Variants in PTX4 observed in about 807,000 individuals in gnomAD.
PTX4 encodes pentraxin 4.
PTX4 carries 23 observed loss-of-function variants against 19.1 expected under a neutral mutation model. The observed-to-expected ratio is 1.20, with a 90% confidence interval of 0.87 to 1.70. PTX4 has a LOEUF of 1.70. PTX4 is among the 40% of genes most tolerant of loss of function. The pLI is 0.00. For synonymous variants in PTX4, 317 were observed against 279.6 expected (o/e 1.13, Z -1.33); for missense variants, 678 against 610.5 (o/e 1.11, Z -1.17).
At chr16:1,488,405 G>A (rs200690297) in intron 1 of PTX4, 200 of 1,613,680 alleles carry the variant, frequency 1.2e-4, no homozygotes, top group East Asian at 4.0e-4. Flanking sequence ...GTGGGAGTCC[G>A]GGAGGCCGTT....
Position 1,487,327 on chromosome 16 carries a change from A to G in PTX4, c.785T>C (p.Val262Ala). Residue 262 changes from valine to alanine, a missense_variant, in exon 2 of 3, where the codon GTG becomes GCG. Val to Ala is a moderately conservative substitution (Grantham distance 64, BLOSUM62 0). Transcript: ENST00000447419. Reference sequence around the variant, plus strand: ...CCTGTGGTACTTACTCTCTCCTGGCACCTGGGGGGACCATGCCTGCTGCCG... The same window carrying G: ...CCTGTGGTACTTACTCTCTCCTGGCGCCTGGGGGGACCATGCCTGCTGCCG... Reference protein sequence around the residue: ...DPRQQAWSPQVPGEICGVGPT... With the variant: ...DPRQQAWSPQAPGEICGVGPT... The G allele has an allele frequency of 6.5e-7, 1 of 1,547,290 alleles. No homozygotes were observed. Among genetic ancestry groups the G allele is most frequent in the Non-Finnish European group, 8.7e-7 (1 of 1,153,246 alleles).
Position 1,485,944 on chromosome 16 carries a change from GAC to G in PTX4, c.1430_1431del (p.Cys477SerfsTer?). 2 of 1,602,620 alleles carry G rather than the reference GAC, an allele frequency of 1.2e-6. No homozygotes were observed. Among genetic ancestry groups the G allele is most frequent in the Non-Finnish European group, 1.7e-6 (2 of 1,176,328 alleles). On this transcript the variant is annotated frameshift_variant, in exon 3 of 3. Transcript: ENST00000447419. LOFTEE classifies it high-confidence loss of function. ...AGCCCCCGTGCGGCTCGGCCTCAGG[GAC>G]AGCGTTCCAGGCAGGTGCAGTTGGC... ...QGANCTCLER[C>X]P
chr16:1,488,407 G>T (rs1304648205), intron 1 of PTX4: 1 of 1,613,620 alleles, frequency 6.2e-7, no homozygotes, highest in Non-Finnish European at 8.5e-7. Flanking sequence ...GGGAGTCCGG[G>T]AGGCCGTTCA....
chr16:1,486,121 C>A lies in PTX4; in HGVS notation c.1255G>T (p.Ala419Ser). ...SVGGGFDSSE[A>S]FVGSMSGLAI... ...AAGCCAGACATGCTCCCCACGAAGG[C>A]CTCGGAGCTGTCGAATCCGCCCCCC... Residue 419 changes from alanine (A) to serine (S), a missense_variant, in exon 3 of 3, where the codon GCC becomes TCC. Physicochemically the swap from Ala to Ser is moderately conservative, Grantham distance 99 (BLOSUM62 1). Coordinates refer to ENST00000447419, the MANE Select transcript of PTX4 (RefSeq NM_001328608.2). 2 of 1,614,192 alleles carry A rather than the reference C, an allele frequency of 1.2e-6. No individual in the cohort carries two copies. The highest frequency in any genetic ancestry group is 1.7e-6 in the Non-Finnish European group (2 of 1,180,030).
Position 1,488,767 on chromosome 16 carries a change from G to A in PTX4, c.141+2C>T. ...CTGCGCCATGTCAGGGGTATAACTTGCCTGTTCCTCCAGCCTACGGAGCCT... is the reference window on the plus strand; with the variant it reads ...CTGCGCCATGTCAGGGGTATAACTTACCTGTTCCTCCAGCCTACGGAGCCT... On this transcript the variant is annotated splice_donor_variant, in intron 1 of 2. Transcript: ENST00000447419. LOFTEE classifies it low-confidence loss of function (GC_TO_GT_DONOR). The A allele has an allele frequency of 1.4e-6, 1 of 696,296 alleles. No individual in the cohort carries two copies. The highest frequency in any genetic ancestry group is 1.5e-5 in the South Asian group (1 of 66,980). The allele number at this position is 696,296 out of a possible 1,614,324, so 43.1% of individuals were successfully genotyped here.
Position 1,487,367 on chromosome 16 carries a change from C to T in PTX4, c.745G>A (p.Ala249Thr). Residue 249 changes from alanine to threonine, a missense_variant, in exon 2 of 3, where the codon GCC becomes ACC. Coordinates refer to ENST00000447419, the MANE Select transcript of PTX4 (RefSeq NM_001328608.2). Reference protein sequence around the residue: ...SGSHRVLSGTAPKDPRQQAWS... With the variant: ...SGSHRVLSGTTPKDPRQQAWS... ...GCCTGCTGCCGAGGGTCTTTTGGGGCAGTCCCACTGAGTACCCGATGGCTG... is the reference window on the plus strand; with the variant it reads ...GCCTGCTGCCGAGGGTCTTTTGGGGTAGTCCCACTGAGTACCCGATGGCTG... The T allele has an allele frequency of 6.4e-7, 1 of 1,559,100 alleles. No homozygotes were observed. The highest frequency in any genetic ancestry group is 8.6e-7 in the Non-Finnish European group (1 of 1,157,794).
chr16:1,488,011 G>C, intron 1 of PTX4, 41 bp from the exon 2 acceptor site: 1 of 1,522,088 alleles, frequency 6.6e-7, no homozygotes, highest in South Asian at 1.3e-5. Flanking sequence ...GGCCGGGCCG[G>C]GCCGGCTGGG....
chr16:1,486,415 T>C lies in PTX4; in HGVS notation c.961A>G (p.Asn321Asp). The change falls in exon 3 of 3, where the codon AAT (asparagine) becomes GAT (aspartate). Residue 321 changes from asparagine to aspartate, a missense_variant. Physicochemically the swap from Asn to Asp is conservative, Grantham distance 23 (BLOSUM62 1). Transcript: ENST00000447419. The stretch of plus-strand genomic sequence containing the variant: ...CCGTGCAGCACCAGCTTGTTGTCAT[T>C]GTCCTCGGTGGCGTAGGACAGGAGG... Reference protein sequence around the residue: ...GTLLSYATEDNDNKLVLHGRD... With the variant: ...GTLLSYATEDDDNKLVLHGRD... 1 of 1,614,050 alleles carries C rather than the reference T, an allele frequency of 6.2e-7. No individual in the cohort carries two copies.
Position 1,486,482 on chromosome 16 carries a change from G to C in PTX4, c.894C>G (p.Ser298=). The C allele has an allele frequency of 6.2e-7, 1 of 1,612,910 alleles. No individual in the cohort carries two copies. The highest frequency in any genetic ancestry group is 1.1e-5 in the South Asian group (1 of 90,996). The change falls in exon 3 of 3, where the codon TCC becomes TCG. Residue 298 remains serine, a synonymous_variant. Transcript: ENST00000447419. ...PGFVTALRAL[S]FCSWVRTASG... is the part of the protein sequence containing the mutation. ...AGGCCGTGCGGACCCAGCTGCAGAA[G>C]GACAGGGCTCGCAGGGCAGTGACGA...
At chr16:1,488,068 G>T in intron 1 of PTX4, 98 bp from the exon 2 acceptor site, 2 of 1,282,958 alleles carry the variant, frequency 1.6e-6, no homozygotes, top group Non-Finnish European at 2.1e-6. Context: ...CAGCGGCCGC[G>T]TGCCCGGGCC....
At chr16:1,487,264 AG>A in intron 2 of PTX4, 51 bp downstream of exon 2, 1 of 1,453,906 alleles carries the variant, frequency 6.9e-7, no homozygotes, top group South Asian at 1.5e-5. Flanking sequence ...GCCTGGTCTA[AG>A]GAGGAGCTGG....
rs752932855 is a variant in PTX4 at position 1,486,422 on chromosome 16, G to A, written c.954C>T (p.Thr318=). ...GCACCAGCTTGTTGTCATTGTCCTC[G>A]GTGGCGTAGGACAGGAGGGTGCCCA... ...GRLGTLLSYA[T]EDNDNKLVLH... The change falls in exon 3 of 3, where the codon ACC becomes ACT. Residue 318 remains threonine (T), a synonymous_variant. Coordinates refer to ENST00000447419, the MANE Select transcript of PTX4 (RefSeq NM_001328608.2). 15 of 1,613,976 alleles carry A rather than the reference G, an allele frequency of 9.3e-6. No individual in the cohort carries two copies. The highest frequency in any genetic ancestry group is 1.6e-4 in the Middle Eastern group (1 of 6,084).
chr16:1,487,752 C>T lies in PTX4; in HGVS notation c.360G>A (p.Thr120=), dbSNP rs370009986. The stretch of plus-strand genomic sequence containing the variant: ...GGGTGAGGTCCAAGGCCCGCAGCCG[C>T]GTGTCTACTTTCCGGCCTCGGCGCT... The part of the protein sequence containing the change: ...KLQRRGRKVD[T]RLRALDLTLG... The change falls in exon 2 of 3, where the codon ACG becomes ACA. Residue 120 remains threonine (T), a synonymous_variant. Coordinates refer to ENST00000447419, the MANE Select transcript of PTX4 (RefSeq NM_001328608.2). The T allele has an allele frequency of 5.6e-6, 9 of 1,612,796 alleles. No individual in the cohort carries two copies. Among genetic ancestry groups the T allele is most frequent in the South Asian group, 1.1e-5 (1 of 91,058 alleles).
intron 1 of PTX4, chr16:1,488,460 C>T (rs1289162477): frequency 6.2e-7 from 1 of 1,613,118 alleles, no homozygotes; most frequent in Admixed American, 1.7e-5. Flanking sequence ...CCAGTTTCCA[C>T]TCCCCATGAC....
chr16:1,486,074 C>G lies in PTX4; in HGVS notation c.1302G>C (p.Leu434=). ...CAAGGTTTGCAACTTCCCCGGGAAC[C>G]AGCGCCCGATCCCAGATAGCCAAGC... is the stretch of plus-strand genomic sequence containing the variant. The part of the protein sequence containing the change: ...MSGLAIWDRA[L]VPGEVANLAI... Residue 434 remains leucine, a synonymous_variant, in exon 3 of 3, where the codon CTG becomes CTC. Transcript: ENST00000447419. 2 of 1,614,206 alleles carry G rather than the reference C, an allele frequency of 1.2e-6. No homozygotes were observed. The highest frequency in any genetic ancestry group is 1.7e-6 in the Non-Finnish European group (2 of 1,180,026).
At chr16:1,487,143 C>G (rs1050960380) in intron 2 of PTX4, among the ~76,000 whole-genome samples, 173 bp downstream of exon 2, 2 of 152,232 alleles carry the variant, frequency 1.3e-5, no homozygotes, top group African/African-American at 4.8e-5. Flanking sequence ...CTCCTGCCTC[C>G]CCTTAGAAAG....
chr16:1,488,083 C>T (rs2039266918), intron 1 of PTX4, 113 bp from the exon 2 acceptor site: 2 of 1,158,996 alleles, frequency 1.7e-6, no homozygotes, highest in South Asian at 3.0e-5. Context: ...CGGGCCACGG[C>T]CAGCACTGGC....
chr16:1,487,586 G>A lies in PTX4; in HGVS notation c.526C>T (p.Pro176Ser). ...ARLAALEGRL[P>S]VAHPGTAALG... The stretch of plus-strand genomic sequence containing the variant: ...GCTGCAGTGCCAGGGTGGGCCACGG[G>A]CAGCCGCCCCTCCAGAGCAGCCAGC... The change falls in exon 2 of 3, where the codon CCC (proline) becomes TCC (serine). Residue 176 changes from proline to serine, a missense_variant. Pro to Ser is a moderately conservative substitution (Grantham distance 74). Transcript: ENST00000447419. 6.4e-7 allele frequency: 1 copy of A among 1,554,424 alleles called. No individual in the cohort carries two copies.
chr16:1,488,397 GGGAGTCCGGGAGGCCGTTCACACC>G (rs762768499), intron 1 of PTX4: 91 of 1,613,782 alleles, frequency 5.6e-5, no homozygotes, highest in Non-Finnish European at 7.4e-5. Context: ...GACCCCGCGT[GGGAGTCCGGGAGGCCGTTCACACC>G]GACTGCCACA....
Sources: allele counts gnomAD v4.1 joint callset (sites outside exome capture counted in the v4.1 genomes callset), GRCh38; gene constraint gnomAD v4.1.1; transcripts MANE v1.5; gene names NCBI Gene and HGNC (gene_info 2026-07-23, HGNC 2026-07-21).